NHS: variants seen among roughly 807,000 people sequenced by gnomAD.
NHS encodes the protein actin remodeling regulator NHS.
NHS carries 5 observed loss-of-function variants against 72.5 expected under a neutral mutation model. The observed-to-expected ratio is 0.07, with a 90% CI of 0.04 to 0.14. The LOEUF (loss-of-function observed/expected upper bound fraction) is 0.14. Ranked by LOEUF, NHS falls within the 10% of genes least tolerant of loss-of-function variation. NHS has a pLI of 1.00. For synonymous variants in NHS, 464 were observed against 547.7 expected (o/e 0.85, Z 2.13); for missense variants, 1,072 against 1,355.7 (o/e 0.79, Z 3.29).
At chrX:17,689,073 T>C (rs1262022619) in intron 2 of NHS, among the ~76,000 whole-genome samples, 2 of 112,607 alleles carry the variant, frequency 1.8e-5, no homozygotes, top group African/African-American at 6.5e-5. Flanking sequence ...TTAATGTCAT[T>C]ATCAAAGTGG....
At chrX:17,454,789 G>A (rs1229103736) in intron 1 of NHS, among the ~76,000 whole-genome samples, 1 of 111,979 alleles carries the variant, frequency 8.9e-6, no homozygotes, top group African/African-American at 3.2e-5. Flanking sequence ...GGCATCTACG[G>A]ACTCCATCAT....
At chrX:17,617,316 G>A (rs1249714783) in intron 1 of NHS, among the ~76,000 whole-genome samples, 2 of 112,069 alleles carry the variant, frequency 1.8e-5, no homozygotes, top group Non-Finnish European at 3.8e-5. Flanking sequence ...ATGTTTTATC[G>A]TCCACAGCAC....
At chrX:17,516,474 A>G (rs780359238) in intron 1 of NHS, among the ~76,000 whole-genome samples, 10 of 110,483 alleles carry the variant, frequency 9.1e-5, no homozygotes, top group Non-Finnish European at 1.5e-4. Context: ...GCTTCTGCAA[A>G]TGGACCCAAG....
chrX:17,505,376 C>G (rs764728245), intron 1 of NHS, among the ~76,000 whole-genome samples: 11 of 111,054 alleles, frequency 9.9e-5, no homozygotes, highest in East Asian at 2.8e-4. Context: ...GAAAAGTTTG[C>G]CAAATTGCCC....
At chrX:17,547,312 A>T (rs964786516) in intron 1 of NHS, among the ~76,000 whole-genome samples, 1 of 111,780 alleles carries the variant, frequency 8.9e-6, no homozygotes, top group African/African-American at 3.3e-5. Context: ...GCCCATCCCT[A>T]CCCCTCTGAT....
At chrX:17,407,966 G>A (rs1381877405) in intron 1 of NHS, among the ~76,000 whole-genome samples, 6 of 111,101 alleles carry the variant, frequency 5.4e-5, no homozygotes. Flanking sequence ...TACCCACCCC[G>A]TTATTTATTG....
At chrX:17,553,130 T>A (rs1301656846) in intron 1 of NHS, among the ~76,000 whole-genome samples, 2 of 112,737 alleles carry the variant, frequency 1.8e-5, no homozygotes, top group Non-Finnish European at 3.8e-5. Flanking sequence ...CCCACCAAAC[T>A]AAGGCAGAGC....
chrX:17,721,458 T>G lies in NHS; in HGVS notation c.933T>G (p.Asp311Glu). ...PWSRKSHPPE[D>E]EDTDVMLGQR... ...GTTTGCAGTCCCATCCCCCAGAGGATGAAGATACAGATGTCATGTTAGGGC... is the reference window on the plus strand; with the variant it reads ...GTTTGCAGTCCCATCCCCCAGAGGAGGAAGATACAGATGTCATGTTAGGGC... Residue 311 changes from aspartate to glutamate, a missense_variant, in exon 5 of 9, where the codon GAT (aspartate) becomes GAG (glutamate). Transcript: ENST00000676302. 8.3e-7 allele frequency: 1 copy of G among 1,211,513 alleles called. No homozygotes were observed.
intron 1 of NHS, among the ~76,000 whole-genome samples, chrX:17,678,888 CT>C (rs201610635): frequency 0.058 from 6,488 of 111,751 alleles, 456 homozygotes; most frequent in African/African-American, 0.2. Flanking sequence ...TGTGTGTCCC[CT>C]AGTTCCTAGC....
intron 1 of NHS, among the ~76,000 whole-genome samples, chrX:17,390,415 A>G (rs1244698677): frequency 2.8e-5 from 3 of 108,428 alleles, no homozygotes; most frequent in African/African-American, 1.0e-4. Flanking sequence ...CATTTACAAG[A>G]TGGCGCATGT....
At chrX:17,622,614 C>T (rs907662195) in intron 1 of NHS, among the ~76,000 whole-genome samples, 1 of 112,032 alleles carries the variant, frequency 8.9e-6, no homozygotes, top group East Asian at 2.8e-4. Context: ...CTGCTTGGGG[C>T]GGGAATAAGT....
intron 1 of NHS, among the ~76,000 whole-genome samples, chrX:17,467,228 TTTTC>T (rs1177573173): frequency 8.9e-6 from 1 of 112,318 alleles, no homozygotes; most frequent in Non-Finnish European, 1.9e-5. Flanking sequence ...TGAAGTTGTC[TTTTC>T]TTTCTTTTAA....
chrX:17,497,154 T>G (rs1316494588), intron 1 of NHS, among the ~76,000 whole-genome samples: 2 of 112,451 alleles, frequency 1.8e-5, no homozygotes, highest in Admixed American at 1.9e-4. Context: ...AAATGTACAG[T>G]ACCCTGTTCA....
At chrX:17,446,331 A>C (rs989778218) in intron 1 of NHS, among the ~76,000 whole-genome samples, 4 of 111,291 alleles carry the variant, frequency 3.6e-5, no homozygotes, top group Non-Finnish European at 7.5e-5. Context: ...AAGCTCAGCC[A>C]TCATATCCCC....
intron 1 of NHS, among the ~76,000 whole-genome samples, chrX:17,648,619 T>C (rs2065916873): frequency 8.9e-6 from 1 of 112,605 alleles, no homozygotes; most frequent in Admixed American, 9.4e-5. Context: ...GTTCTTCCAA[T>C]AGTAGGGTAA....
At chrX:17,537,611 T>C (rs1186474502) in intron 1 of NHS, among the ~76,000 whole-genome samples, 4 of 112,050 alleles carry the variant, frequency 3.6e-5, no homozygotes, top group African/African-American at 1.3e-4. Flanking sequence ...AGGTGGCCTG[T>C]TGGCTCAGCA....
In NHS at chrX:17,400,043, A is replaced by G. The variant is rs149428889; in HGVS notation, c.565+23721A>G. On this transcript the variant is annotated intron_variant, in intron 1 of 8. Transcript: ENST00000676302. Reference sequence around the variant, plus strand: ...TGTCCATTCTTGCCAATTATATTTAATATTATGCTGCAGATTCTAGCCAGA... The same window carrying G: ...TGTCCATTCTTGCCAATTATATTTAGTATTATGCTGCAGATTCTAGCCAGA... Among the ~76,000 whole-genome samples the G allele has an allele frequency of 2.9e-4, 32 of 111,850 alleles. No individual in the cohort carries two copies. The East Asian group carries it at 8.2e-3, about 29-fold the overall frequency.
intron 1 of NHS, among the ~76,000 whole-genome samples, chrX:17,593,908 G>A (rs1015523155): frequency 1.8e-5 from 2 of 111,386 alleles, no homozygotes; most frequent in East Asian, 5.7e-4. Context: ...ACCTGAAGCG[G>A]GATGCCTGTG....
intron 3 of NHS, among the ~76,000 whole-genome samples, chrX:17,714,052 G>A (rs921497037): frequency 7.2e-5 from 8 of 110,940 alleles, no homozygotes; most frequent in Non-Finnish European, 1.1e-4. Flanking sequence ...GCTGGTAGTT[G>A]CTGATTATAA....
Sources: allele counts gnomAD v4.1 joint callset (sites outside exome capture counted in the v4.1 genomes callset), GRCh38; gene constraint gnomAD v4.1.1; transcripts MANE v1.5; gene names NCBI Gene and HGNC (gene_info 2026-07-23, HGNC 2026-07-21).